Variants in ARHGAP42 observed in about 807,000 individuals in gnomAD.
ARHGAP42 encodes rho GTPase-activating protein 42.
Under a neutral mutation model 125.0 loss-of-function variants are expected in ARHGAP42, and 63 were observed. The observed-to-expected ratio is 0.50, with a 90% CI of 0.41 to 0.62. The LOEUF is 0.62. Among genes scored for constraint, ARHGAP42 ranks in the 20% least tolerant of loss-of-function variants. The probability of loss-of-function intolerance (pLI) is 0.00; values close to 1 mark genes in which losing one functional copy is unlikely to be tolerated. For missense variants in ARHGAP42, 766 were observed against 1,024.2 expected (o/e 0.75, Z 3.44); for synonymous variants, 339 against 351.0 (o/e 0.97, Z 0.38).
chr11:100,895,306 C>G (rs1353510809), intron 4 of ARHGAP42, among the ~76,000 whole-genome samples: 4 of 152,016 alleles, frequency 2.6e-5, no homozygotes, highest in Admixed American at 2.6e-4. Flanking sequence ...CTAAGATTTC[C>G]CAACCTCAGC....
intron 2 of ARHGAP42, among the ~76,000 whole-genome samples, 168 bp downstream of exon 2, chr11:100,770,606 C>A (rs913697079): frequency 6.6e-6 from 1 of 152,114 alleles, no homozygotes; most frequent in Non-Finnish European, 1.5e-5. Flanking sequence ...GAGACAGAGT[C>A]TCTCTCTGTC....
intron 1 of ARHGAP42, among the ~76,000 whole-genome samples, chr11:100,706,316 T>A (rs889478593): frequency 6.6e-6 from 1 of 152,176 alleles, no homozygotes; most frequent in Non-Finnish European, 1.5e-5. Context: ...GATGGACACA[T>A]GATATATTTT....
chr11:100,838,535 C>G (rs2135107715), intron 3 of ARHGAP42, among the ~76,000 whole-genome samples: 1 of 151,778 alleles, frequency 6.6e-6, no homozygotes, highest in East Asian at 1.9e-4. Context: ...TGAGACCTTG[C>G]CTCTACAAAA....
intron 3 of ARHGAP42, among the ~76,000 whole-genome samples, chr11:100,839,023 C>G (rs1382645932): frequency 6.6e-6 from 1 of 151,810 alleles, no homozygotes; most frequent in Non-Finnish European, 1.5e-5. Context: ...TTATATACTA[C>G]TTCTATGTAT....
At chr11:100,748,286 G>T (rs1862352351) in intron 1 of ARHGAP42, among the ~76,000 whole-genome samples, 1 of 152,264 alleles carries the variant, frequency 6.6e-6, no homozygotes, top group Admixed American at 6.5e-5. Flanking sequence ...GTTTGAGCAG[G>T]CCAATTATTA....
Position 100,993,654 on chromosome 11 carries a change from G to A in ARHGAP42, c.*4853G>A, listed in dbSNP as rs187978948. On this transcript the variant is annotated 3_prime_UTR_variant, in exon 24 of 24. Transcript: ENST00000298815. ...AGGTACTGTAGTTTATATAAAAGTCGGATGTTAAGATATTATATTTCAGTA... is the reference window on the plus strand; with the variant it reads ...AGGTACTGTAGTTTATATAAAAGTCAGATGTTAAGATATTATATTTCAGTA... 1.9e-4 allele frequency: 32 copies of A among 167,032 alleles called. No individual in the cohort carries two copies. The highest frequency in any genetic ancestry group is 3.8e-4 in the Non-Finnish European group (26 of 68,084). The allele number at this position is 167,032 out of a possible 1,614,324, so 10.3% of individuals were successfully genotyped here. A position where few individuals can be genotyped will look rare whatever the true frequency, so the allele number is the denominator to read the frequency against.
rs1858789141 is a variant in ARHGAP42 at position 100,989,970 on chromosome 11, G to A, written c.*1169G>A. ...TTCAGCAGAAATAAAATCTGTACAT[G>A]ATTTTCTTTTATGCCTTTTAGTTTA... On this transcript the variant is annotated 3_prime_UTR_variant, in exon 24 of 24. Transcript: ENST00000298815. 1 of 152,074 alleles carries A rather than the reference G, an allele frequency of 6.6e-6. No individual in the cohort carries two copies. The highest frequency in any genetic ancestry group is 1.5e-5 in the Non-Finnish European group (1 of 68,010). The allele number at this position is 152,074 out of a possible 1,614,324, so 9.4% of individuals were successfully genotyped here. A position where few individuals can be genotyped will look rare whatever the true frequency, so the allele number is the denominator to read the frequency against.
At chr11:100,870,987 G>A (rs1865682239) in intron 4 of ARHGAP42, among the ~76,000 whole-genome samples, 1 of 150,254 alleles carries the variant, frequency 6.7e-6, no homozygotes, top group Admixed American at 6.6e-5. Flanking sequence ...AATTGTAATA[G>A]AATACTTTTG....
intron 17 of ARHGAP42, among the ~76,000 whole-genome samples, chr11:100,966,027 A>G (rs964997053): frequency 2.0e-5 from 3 of 152,182 alleles, no homozygotes; most frequent in Admixed American, 6.5e-5. Context: ...TGATGAAACA[A>G]TTAGATGTGT....
rs869248095 is a variant in ARHGAP42, at chr11:100,779,445, C to CAA, written c.250+9029_250+9030dup. 5.2e-3 allele frequency among the ~76,000 whole-genome samples: 281 copies of CAA among 54,028 alleles called. 3 individuals carry two copies. Among genetic ancestry groups the CAA allele is most frequent in the Non-Finnish European group, 5.8e-3 (171 of 29,608 alleles). The allele number at this position is 54,028 out of a possible 152,430, so 35.4% of individuals were successfully genotyped here. ...GGGCAACAAGAGCGAGACTGCGTCT[C>CAA]AAAAAAAAAAAAAAAAAAAAAAATA... On this transcript the variant is annotated intron_variant, in intron 2 of 23. Coordinates refer to ENST00000298815, the MANE Select transcript of ARHGAP42 (RefSeq NM_152432.4).
At chr11:100,791,909 G>T (rs928612003) in intron 2 of ARHGAP42, among the ~76,000 whole-genome samples, 1 of 152,144 alleles carries the variant, frequency 6.6e-6, no homozygotes, top group African/African-American at 2.4e-5. Flanking sequence ...AAGTAAAATA[G>T]AAAACAGTAT....
intron 3 of ARHGAP42, among the ~76,000 whole-genome samples, chr11:100,812,100 C>T (rs1022356046): frequency 6.6e-6 from 1 of 152,116 alleles, no homozygotes; most frequent in Admixed American, 6.6e-5. Flanking sequence ...CGTGCCTGTC[C>T]CTCTCTTCAG....
chr11:100,767,098 G>A (rs764745967), intron 1 of ARHGAP42, among the ~76,000 whole-genome samples: 3 of 152,156 alleles, frequency 2.0e-5, no homozygotes, highest in Non-Finnish European at 2.9e-5. Flanking sequence ...ACTTTCCAAG[G>A]TTATGTAAGC....
intron 3 of ARHGAP42, among the ~76,000 whole-genome samples, chr11:100,795,598 G>T (rs557355230): frequency 6.6e-6 from 1 of 152,262 alleles, no homozygotes; most frequent in East Asian, 1.9e-4. Context: ...AACCCTGAAG[G>T]TTGGGAGAAT....
chr11:100,717,762 C>T (rs1861690797), intron 1 of ARHGAP42, among the ~76,000 whole-genome samples: 1 of 148,524 alleles, frequency 6.7e-6, no homozygotes, highest in Non-Finnish European at 1.5e-5. Flanking sequence ...CCTGCCTGTA[C>T]TGTAAATACA....
intron 3 of ARHGAP42, chr11:100,859,259 G>A (rs918852842): frequency 9.0e-5 from 24 of 267,620 alleles, no homozygotes; most frequent in Non-Finnish European, 1.4e-4. Context: ...AATACCCAAT[G>A]TGCTATTTCT....
intron 3 of ARHGAP42, among the ~76,000 whole-genome samples, chr11:100,796,449 A>G (rs1348172629): frequency 1.3e-5 from 2 of 152,208 alleles, no homozygotes; most frequent in Non-Finnish European, 2.9e-5. Context: ...TGTTCAAGTG[A>G]AAGGAAGTGT....
At chr11:100,866,489 G>A (rs1865573309) in intron 4 of ARHGAP42, among the ~76,000 whole-genome samples, 1 of 152,148 alleles carries the variant, frequency 6.6e-6, no homozygotes, top group Admixed American at 6.5e-5. Flanking sequence ...CCACTGCTAT[G>A]AGTAACTACC....
chr11:100,879,121 T>A (rs1159898281), intron 4 of ARHGAP42, among the ~76,000 whole-genome samples: 1 of 152,106 alleles, frequency 6.6e-6, no homozygotes, highest in Non-Finnish European at 1.5e-5. Flanking sequence ...TAGGATCTTA[T>A]TAGAAATGCA....
Sources: gnomAD v4.1 joint callset for allele counts (sites outside exome capture counted in the v4.1 genomes callset) on GRCh38, gnomAD v4.1.1 for gene constraint, MANE v1.5 for transcripts, NCBI Gene and HGNC (gene_info 2026-07-23, HGNC 2026-07-21) for gene names.